The following TSNARE1 variants were observed in gnomAD, a reference collection of about 807,000 sequenced individuals.
The protein encoded by TSNARE1 is t-SNARE domain containing 1, also known as t-SNARE domain-containing protein 1.
A neutral mutation model predicts 62.0 loss-of-function variants in TSNARE1; 49 were observed. That is an observed-to-expected ratio of 0.79 (90% confidence interval 0.63 to 1.00). TSNARE1 has a LOEUF of 1.00. Ranked by LOEUF, TSNARE1 falls within the 50% of genes least tolerant of loss-of-function variation. The probability of loss-of-function intolerance (pLI) is 0.00; values close to 1 mark genes in which losing one functional copy is unlikely to be tolerated. For synonymous variants in TSNARE1, 328 were observed against 294.4 expected (o/e 1.11, Z -1.17); for missense variants, 755 against 700.1 (o/e 1.08, Z -0.88).
At chr8:142,308,493 G>A (rs540381838) in intron 9 of TSNARE1, among the ~76,000 whole-genome samples, 40 of 152,178 alleles carry the variant, frequency 2.6e-4, no homozygotes, top group Middle Eastern at 3.4e-3. Context: ...AGTCCACCTC[G>A]GCCACAAACC....
intron 1 of TSNARE1, among the ~76,000 whole-genome samples, chr8:142,382,144 C>T (rs887079453): frequency 7.2e-5 from 11 of 152,162 alleles, no homozygotes; most frequent in African/African-American, 1.9e-4. Context: ...CATGTGTGAG[C>T]GTGTGTGCTC....
rs1289100575 is a variant in TSNARE1, at chr8:142,344,400, T to G, written c.311A>C (p.Asp104Ala). The change falls in exon 4 of 14, where the codon GAC becomes GCC. Residue 104 changes from aspartate (D) to alanine (A), a missense_variant. Asp to Ala is a moderately radical substitution (Grantham distance 126). Coordinates refer to ENST00000524325, the MANE Select transcript of TSNARE1 (RefSeq NM_145003.5). ...TSSPTIGPRK[D>A]SAAGPHGRMA... is the part of the protein sequence containing the mutation. Reference sequence around the variant, plus strand: ...CCGGCCATGGGGCCCAGCAGCCGAGTCCTTCCTCGGGCCAATGGTGGGTGA... The same window carrying G: ...CCGGCCATGGGGCCCAGCAGCCGAGGCCTTCCTCGGGCCAATGGTGGGTGA... 4 of 1,587,338 alleles carry G rather than the reference T, an allele frequency of 2.5e-6. No homozygotes were observed. Among genetic ancestry groups the G allele is most frequent in the Non-Finnish European group, 3.4e-6 (4 of 1,168,446 alleles).
intron 1 of TSNARE1, among the ~76,000 whole-genome samples, chr8:142,399,548 C>T (rs1248936185): frequency 6.6e-6 from 1 of 152,186 alleles, no homozygotes; most frequent in African/African-American, 2.4e-5. Context: ...GAGAGCAGAG[C>T]CAAACATAAG....
intron 9 of TSNARE1, among the ~76,000 whole-genome samples, chr8:142,311,296 T>G (rs1827567789): frequency 7.3e-6 from 1 of 136,494 alleles, no homozygotes; most frequent in African/African-American, 2.9e-5. Flanking sequence ...TCTAGTTTTT[T>G]TTTTTTTTTT....
chr8:142,324,063 C>T (rs1285496371), intron 6 of TSNARE1, among the ~76,000 whole-genome samples: 1 of 152,226 alleles, frequency 6.6e-6, no homozygotes, highest in African/African-American at 2.4e-5. Flanking sequence ...ATTGAGAGAG[C>T]GGGCCCATCT....
At chr8:142,370,819 T>TAC (rs1835864763) in intron 1 of TSNARE1, among the ~76,000 whole-genome samples, 1 of 150,912 alleles carries the variant, frequency 6.6e-6, no homozygotes, top group Non-Finnish European at 1.5e-5. Context: ...GAGTGACATC[T>TAC]TTAAAGTGCT....
rs1473339292 is a variant in TSNARE1 at position 142,319,884 on chromosome 8, G to T, written c.894-1250C>A. Among the ~76,000 whole-genome samples, 1 of 152,192 alleles carries T rather than the reference G, an allele frequency of 6.6e-6. No individual in the cohort carries two copies. The highest frequency in any genetic ancestry group is 6.5e-5 in the Admixed American group (1 of 15,280). On this transcript the variant is annotated intron_variant, in intron 6 of 13. Coordinates refer to ENST00000524325, the MANE Select transcript of TSNARE1 (RefSeq NM_145003.5). This position sits in a 1 kb window ranked among gnomAD's most constrained non-coding sequence, Gnocchi z 4.9. ...TACTACAGACTAGGCGGGAAGCGCG[G>T]GGACAGGAGCTTTCTTCCCCGGGGC...
chr8:142,401,623 G>A (rs1261917814), intron 1 of TSNARE1, among the ~76,000 whole-genome samples: 1 of 152,162 alleles, frequency 6.6e-6, no homozygotes, highest in Non-Finnish European at 1.5e-5. Context: ...CTCAGGGGAA[G>A]TGTCCAGGGA....
intron 9 of TSNARE1, among the ~76,000 whole-genome samples, chr8:142,302,787 A>G (rs1351667469): frequency 6.6e-6 from 1 of 152,028 alleles, no homozygotes; most frequent in South Asian, 2.1e-4. Context: ...CTGACTGGGA[A>G]TGGAAATCCA....
At chr8:142,284,771 G>T (rs1217437066) in intron 10 of TSNARE1, among the ~76,000 whole-genome samples, 1 of 152,196 alleles carries the variant, frequency 6.6e-6, no homozygotes, top group East Asian at 1.9e-4. Flanking sequence ...AACCTCTCCA[G>T]GTGTCCTAGG....
intron 9 of TSNARE1, among the ~76,000 whole-genome samples, chr8:142,305,037 G>A (rs1055888208): frequency 6.6e-6 from 1 of 152,338 alleles, no homozygotes; most frequent in East Asian, 1.9e-4. Flanking sequence ...GGACGGAGAT[G>A]TAGGAGCCTG....
At chr8:142,300,438 C>T (rs1402161131) in intron 10 of TSNARE1, 48 bp downstream of exon 10, 3 of 1,554,260 alleles carry the variant, frequency 1.9e-6, no homozygotes, top group Non-Finnish European at 2.6e-6. Flanking sequence ...GGTTCCCAGC[C>T]TCATGTGGAG....
At chr8:142,275,383 C>T (rs964023978) in intron 11 of TSNARE1, 61 of 985,388 alleles carry the variant, frequency 6.2e-5, no homozygotes, top group East Asian at 2.3e-4. Context: ...GTTGTGCTGC[C>T]GTGCGGGGAT....
chr8:142,231,611 G>T (rs2130092362), intron 12 of TSNARE1, among the ~76,000 whole-genome samples: 1 of 152,282 alleles, frequency 6.6e-6, no homozygotes, highest in South Asian at 2.1e-4. Context: ...GGGGTTTGTG[G>T]GTGGCCAGTG....
At chr8:142,349,897 ACAGGGCAGGGACCAAGCAGG>A (rs1722631805) in intron 2 of TSNARE1, among the ~76,000 whole-genome samples, 1 of 147,620 alleles carries the variant, frequency 6.8e-6, no homozygotes, top group African/African-American at 2.5e-5. Flanking sequence ...GGCAAGGCAG[ACAGGGCAGGGACCAAGCAGG>A]CAGGGCTGGC....
At chr8:142,276,857 A>T in intron 11 of TSNARE1, 5 of 985,394 alleles carry the variant, frequency 5.1e-6, no homozygotes, top group Non-Finnish European at 4.8e-6. Context: ...CACTGCCCAC[A>T]TTCAAGACAC....
At position 142,328,820 on chromosome 8, in the gene TSNARE1, G is replaced by GGGC. The variant is rs1491085909; in HGVS notation, c.893+2080_893+2081insGCC. ...GGGGTCTGTGACAGGGAGGCCTTTG[G>GGGC]GGGGGGGGAGGGTTCCGCACACAGG... On this transcript the variant is annotated intron_variant, in intron 6 of 13. Transcript: ENST00000524325. Among the ~76,000 whole-genome samples the GGGC allele has an allele frequency of 6.8e-3, 707 of 103,800 alleles. 11 individuals carry two copies. The highest frequency in any genetic ancestry group is 0.024 in the African/African-American group (671 of 27,538). The allele number at this position is 103,800 out of a possible 152,430, so 68.1% of individuals were successfully genotyped here.
At chr8:142,323,266 T>C (rs1829753598) in intron 6 of TSNARE1, among the ~76,000 whole-genome samples, 1 of 152,220 alleles carries the variant, frequency 6.6e-6, no homozygotes, top group Non-Finnish European at 1.5e-5. Flanking sequence ...GATTCTAAAA[T>C]GTATACTGAG....
At chr8:142,265,289 C>T (rs1276145623) in intron 12 of TSNARE1, among the ~76,000 whole-genome samples, 1 of 152,216 alleles carries the variant, frequency 6.6e-6, no homozygotes, top group Non-Finnish European at 1.5e-5. Flanking sequence ...AACCAGCCAC[C>T]GCTCTGCCCT....
Sources: allele counts gnomAD v4.1 joint callset (sites outside exome capture counted in the v4.1 genomes callset), GRCh38; gene constraint gnomAD v4.1.1; non-coding constraint Gnocchi (gnomAD v3.1); transcripts MANE v1.5; gene names NCBI Gene and HGNC (gene_info 2026-07-23, HGNC 2026-07-21).